DEPDC5: variants seen among roughly 807,000 people sequenced by gnomAD.
The protein encoded by DEPDC5 is GATOR1 complex protein DEPDC5.
Under a neutral mutation model 217.3 loss-of-function variants are expected in DEPDC5, and 73 were observed. The ratio of observed to expected loss-of-function variants is 0.34; its 90% CI spans 0.28 to 0.41. The LOEUF is 0.41. Among genes scored for constraint, DEPDC5 ranks in the 10% least tolerant of loss-of-function variants. The probability of loss-of-function intolerance (pLI) is 1.00; values close to 1 mark genes in which losing one functional copy is unlikely to be tolerated. For missense variants in DEPDC5, 1,675 were observed against 2,070.1 expected, an observed-to-expected ratio of 0.81 and a Z score of 3.70; for synonymous variants, 733 against 756.7, an observed-to-expected ratio of 0.97 and a Z score of 0.51.
chr22:31,768,936 T>C, intron 7 of DEPDC5, 73 bp downstream of exon 7: 1 of 1,546,860 alleles, frequency 6.5e-7, no homozygotes, highest in Admixed American at 1.7e-5. Context: ...CGTATGGATG[T>C]CCATATAATA....
At chr22:31,798,533 G>A (rs2086513699) in intron 13 of DEPDC5, 49 bp from the exon 14 acceptor site, 1 of 1,514,568 alleles carries the variant, frequency 6.6e-7, no homozygotes, top group Non-Finnish European at 9.0e-7. Flanking sequence ...AAAAAAAAAA[G>A]TTCATGTTTC....
rs558422410 is a variant in DEPDC5, at chr22:31,859,948, T to TA, written c.3265-1416dup. On this transcript the variant is annotated intron_variant, in intron 32 of 42. Coordinates refer to ENST00000651528, the MANE Select transcript of DEPDC5 (RefSeq NM_001242896.3). ...GAAGGGACACAGTGGAACAATGAGA[T>TA]AAAATTACCCTGTGTGCTGTCCACC... is the stretch of plus-strand genomic sequence containing the variant. Among the ~76,000 whole-genome samples, 30 of 152,350 alleles carry TA rather than the reference T, an allele frequency of 2.0e-4. No individual in the cohort carries two copies. The South Asian group carries it at 6.2e-3, about 32-fold the overall frequency.
chr22:31,874,493 A>T (rs2092937419), intron 36 of DEPDC5, 88 bp downstream of exon 36: 1 of 1,466,422 alleles, frequency 6.8e-7, no homozygotes, highest in South Asian at 1.4e-5. Context: ...CTTTCCAGTA[A>T]TGAGATCTGC....
At chr22:31,819,455 G>C (rs1308354098) in intron 22 of DEPDC5, among the ~76,000 whole-genome samples, 1 of 148,268 alleles carries the variant, frequency 6.7e-6, no homozygotes, top group South Asian at 2.1e-4. Context: ...TTTTTTGTTT[G>C]TTTCTGCCCT....
At chr22:31,883,407 C>G (rs774925293) in intron 38 of DEPDC5, among the ~76,000 whole-genome samples, 8 of 152,096 alleles carry the variant, frequency 5.3e-5, no homozygotes, top group African/African-American at 9.7e-5. Context: ...CTGTCCTCCA[C>G]TCTGCTCTGC....
chr22:31,873,831 T>G (rs1414845214), intron 35 of DEPDC5: 18 of 161,418 alleles, frequency 1.1e-4, no homozygotes, highest in Non-Finnish European at 6.6e-5. Flanking sequence ...CTCACTCTGT[T>G]GCCCAGGCTG....
At chr22:31,838,091 C>G (rs1043733792) in intron 26 of DEPDC5, among the ~76,000 whole-genome samples, 1 of 152,122 alleles carries the variant, frequency 6.6e-6, no homozygotes, top group African/African-American at 2.4e-5. Flanking sequence ...TTATTTTTAA[C>G]TCCAGTTGGT....
At chr22:31,829,753 T>A (rs2090449915) in intron 24 of DEPDC5, among the ~76,000 whole-genome samples, 1 of 152,134 alleles carries the variant, frequency 6.6e-6, no homozygotes, top group African/African-American at 2.4e-5. Flanking sequence ...GGTGGGGACC[T>A]GGTAGCTGCA....
At chr22:31,872,845 C>G (rs1035440453) in intron 34 of DEPDC5, among the ~76,000 whole-genome samples, 1 of 152,102 alleles carries the variant, frequency 6.6e-6, no homozygotes, top group African/African-American at 2.4e-5. Flanking sequence ...CCCTCCACCT[C>G]CCAGTTTCAA....
At chr22:31,775,728 A>G (rs2083768076) in intron 7 of DEPDC5, among the ~76,000 whole-genome samples, 1 of 152,000 alleles carries the variant, frequency 6.6e-6, no homozygotes, top group Non-Finnish European at 1.5e-5. Context: ...TCCCCACATT[A>G]TCTGGTTTAA....
Position 31,784,833 on chromosome 22 carries a change from A to G in DEPDC5, c.582A>G (p.Lys194=), listed in dbSNP as rs769177997. 6.2e-7 allele frequency: 1 copy of G among 1,613,502 alleles called. No individual in the cohort carries two copies. The highest frequency in any genetic ancestry group is 1.7e-5 in the Admixed American group (1 of 59,966). The change falls in exon 10 of 43, where the codon AAA becomes AAG. Residue 194 remains lysine, a synonymous_variant. Coordinates refer to ENST00000651528, the MANE Select transcript of DEPDC5 (RefSeq NM_001242896.3). The stretch of plus-strand genomic sequence containing the variant: ...TTTCAGGGGATTTGTATTTTGAGAA[A>G]GCTGTGAATGGTTTCCTTGCTGATC... ...FDIYGDLYFE[K]AVNGFLADLF...
chr22:31,895,159 A>AG (rs1214116284), intron 39 of DEPDC5, among the ~76,000 whole-genome samples: 1 of 150,466 alleles, frequency 6.6e-6, no homozygotes, highest in Non-Finnish European at 1.5e-5. Context: ...AAAAAAAAAA[A>AG]AAAAGGAAAG....
At chr22:31,863,932 A>C (rs1350215573) in intron 33 of DEPDC5, among the ~76,000 whole-genome samples, 3 of 150,636 alleles carry the variant, frequency 2.0e-5, no homozygotes, top group Non-Finnish European at 4.4e-5. Context: ...GAAAAAAAAC[A>C]AAAAAAAATT....
At chr22:31,844,744 T>G in intron 29 of DEPDC5, 1 of 212,858 alleles carries the variant, frequency 4.7e-6, no homozygotes, top group Non-Finnish European at 8.5e-6. Context: ...AAGGTGGAGA[T>G]GGGGTCTCGC....
chr22:31,823,113 T>C (rs2089852018), intron 24 of DEPDC5: 1 of 252,510 alleles, frequency 4.0e-6, no homozygotes, highest in East Asian at 9.5e-5. Flanking sequence ...AGAGGGACTT[T>C]TGGTTGTCAG....
intron 35 of DEPDC5, 182 bp from the exon 36 acceptor site, chr22:31,874,091 C>A: frequency 2.1e-6 from 2 of 963,490 alleles, no homozygotes; most frequent in Non-Finnish European, 2.9e-6. Flanking sequence ...CCACGCTGGG[C>A]CCCCGGTAAC....
intron 31 of DEPDC5, among the ~76,000 whole-genome samples, chr22:31,855,724 C>A (rs192560957): frequency 2.0e-5 from 3 of 151,972 alleles, no homozygotes; most frequent in Middle Eastern, 3.4e-3. Context: ...TGGATGAAAC[C>A]GGAATGGCTC....
intron 25 of DEPDC5, among the ~76,000 whole-genome samples, chr22:31,835,433 A>T (rs955270173): frequency 1.3e-5 from 2 of 152,306 alleles, no homozygotes; most frequent in Admixed American, 6.5e-5. Context: ...GAGACAGAAC[A>T]CCCTTAAACT....
intron 10 of DEPDC5, among the ~76,000 whole-genome samples, chr22:31,790,389 A>G (rs934152397): frequency 1.2e-4 from 19 of 152,176 alleles, no homozygotes; most frequent in Non-Finnish European, 2.6e-4. Context: ...TTTGATGTTC[A>G]TCTGTAAACA....
Sources: gnomAD v4.1 joint callset for allele counts (sites outside exome capture counted in the v4.1 genomes callset) on GRCh38, gnomAD v4.1.1 for gene constraint, MANE v1.5 for transcripts, NCBI Gene and HGNC (gene_info 2026-07-23, HGNC 2026-07-21) for gene names.